ZNF26: variants seen among roughly 807,000 people sequenced by gnomAD.
ZNF26 encodes the protein epididymis luminal protein 179.
A neutral mutation model predicts 54.9 loss-of-function variants in ZNF26; 32 were observed. The observed-to-expected ratio is 0.58, with a 90% CI of 0.44 to 0.78. The LOEUF is 0.78. Ranked by LOEUF, ZNF26 falls within the 30% of genes least tolerant of loss-of-function variation. The probability of loss-of-function intolerance (pLI) is 0.00; values close to 1 mark genes in which losing one functional copy is unlikely to be tolerated. For missense variants in ZNF26, 524 were observed against 634.0 expected, an observed-to-expected ratio of 0.83 and a Z score of 1.86; for synonymous variants, 221 against 209.2, an observed-to-expected ratio of 1.06 and a Z score of -0.49.
intron 1 of ZNF26, among the ~76,000 whole-genome samples, chr12:132,994,551 T>C (rs1953032151): frequency 1.3e-5 from 2 of 152,242 alleles, no homozygotes; most frequent in African/African-American, 4.8e-5. Context: ...GATATTCTTC[T>C]AGGTCTTTCC....
chr12:132,996,264 C>G (rs1953080710), intron 1 of ZNF26, among the ~76,000 whole-genome samples: 1 of 152,202 alleles, frequency 6.6e-6, no homozygotes, highest in Admixed American at 6.5e-5. Flanking sequence ...AAAACCTTCA[C>G]TGGTTTCTCT....
intron 1 of ZNF26, among the ~76,000 whole-genome samples, chr12:132,987,249 C>G (rs1952842662): frequency 6.6e-6 from 1 of 152,096 alleles, no homozygotes; most frequent in South Asian, 2.1e-4. Flanking sequence ...TATGGAGTGT[C>G]CTTTTGTCTG....
In ZNF26 at chr12:133,016,059, T is replaced by C. The variant is rs1207696120; in HGVS notation, c.*4578T>C. ...AGATCTAAGGTTTATTGTGAAAAAGTGTAGGGGTAATTTTTTTTTTTTTTT... is the reference window on the plus strand; with the variant it reads ...AGATCTAAGGTTTATTGTGAAAAAGCGTAGGGGTAATTTTTTTTTTTTTTT... On this transcript the variant is annotated 3_prime_UTR_variant, in exon 4 of 4. Transcript: ENST00000328654. The C allele has an allele frequency of 2.0e-5, 3 of 148,868 alleles. No homozygotes were observed. The highest frequency in any genetic ancestry group is 2.1e-4 in the South Asian group (1 of 4,710). 9.2% of individuals were successfully genotyped at this position (148,868 alleles called of 1,614,324 possible).
In ZNF26 at chr12:133,017,737, T is replaced by C. The variant is rs7969519; in HGVS notation, c.*6256T>C. 0.52 allele frequency: 79,037 copies of C among 151,880 alleles called. 22,137 individuals carry two copies. The highest frequency in any genetic ancestry group is 0.65 in the Middle Eastern group (191 of 296). The allele number at this position is 151,880 out of a possible 1,614,324, so 9.4% of individuals were successfully genotyped here. A position where few individuals can be genotyped will look rare whatever the true frequency, so the allele number is the denominator to read the frequency against. On this transcript the variant is annotated 3_prime_UTR_variant, in exon 4 of 4. Coordinates refer to ENST00000328654, the MANE Select transcript of ZNF26 (RefSeq NM_019591.4). ...CTGATTAATAATTATAGGCCAGGCG[T>C]GGTGGCTCACGCCTGTAATCCCAGC...
In ZNF26 at chr12:133,022,607, CATT is replaced by C. The variant is rs1269969063; in HGVS notation, c.*11130_*11132del. 2.6e-5 allele frequency: 4 copies of C among 152,094 alleles called. No individual in the cohort carries two copies. The highest frequency in any genetic ancestry group is 9.7e-5 in the African/African-American group (4 of 41,414). 9.4% of individuals were successfully genotyped at this position (152,094 alleles called of 1,614,324 possible). A position where few individuals can be genotyped will look rare whatever the true frequency, so the allele number is the denominator to read the frequency against. On this transcript the variant is annotated 3_prime_UTR_variant, in exon 4 of 4. Transcript: ENST00000328654. Reference sequence around the variant, plus strand: ...GGGAAAAGTGTATAAGGGATCTCTGCATTATTTTGTATACTCTAGGTGAAACTA... The same window carrying C: ...GGGAAAAGTGTATAAGGGATCTCTGCATTTTGTATACTCTAGGTGAAACTA...
Position 133,007,115 on chromosome 12 carries a change from A to G in ZNF26, c.107A>G (p.Lys36Arg). 3 of 1,614,050 alleles carry G rather than the reference A, an allele frequency of 1.9e-6. No individual in the cohort carries two copies. Among genetic ancestry groups the G allele is most frequent in the Non-Finnish European group, 2.5e-6 (3 of 1,179,892 alleles). Residue 36 changes from lysine to arginine, a missense_variant, in exon 2 of 4, where the codon AAG becomes AGG. By Grantham distance (26) the Lys-to-Arg change is conservative. Transcript: ENST00000328654. ...TGGCAGCTACTGGATTCTACACAGAAGTACCTGTACAGAGATGTGATATTG... is the reference window on the plus strand; with the variant it reads ...TGGCAGCTACTGGATTCTACACAGAGGTACCTGTACAGAGATGTGATATTG... ...DEWQLLDSTQ[K>R]YLYRDVILEN...
chr12:133,010,893 A>C lies in ZNF26; in HGVS notation c.1014A>C (p.Gly338=), dbSNP rs1285679691. ...YLLVHIRMHT[G]EKPYQCSDCG... ...TTGTTCACATCCGAATGCATACAGG[A>C]GAAAAACCCTATCAATGCAGTGATT... is the stretch of plus-strand genomic sequence containing the variant. The change falls in exon 4 of 4, where the codon GGA becomes GGC. Residue 338 remains glycine (G), a synonymous_variant. Coordinates refer to ENST00000328654, the MANE Select transcript of ZNF26 (RefSeq NM_019591.4). 42 of 1,614,068 alleles carry C rather than the reference A, an allele frequency of 2.6e-5. No individual in the cohort carries two copies. Among genetic ancestry groups the C allele is most frequent in the Non-Finnish European group, 3.3e-5 (39 of 1,180,050 alleles).
At position 133,021,832 on chromosome 12, in the gene ZNF26, T is replaced by G. The variant is rs1048714567; in HGVS notation, c.*10351T>G. On this transcript the variant is annotated 3_prime_UTR_variant, in exon 4 of 4. Coordinates refer to ENST00000328654, the MANE Select transcript of ZNF26 (RefSeq NM_019591.4). ...TAACATGGTAAAAATTTGAGGAATA[T>G]TGGTAAAGAATATTTACAAATTCAT... The G allele has an allele frequency of 8.5e-5, 13 of 152,170 alleles. No homozygotes were observed. The highest frequency in any genetic ancestry group is 2.9e-4 in the African/African-American group (12 of 41,544). The allele number at this position is 152,170 out of a possible 1,614,324, so 9.4% of individuals were successfully genotyped here. A position where few individuals can be genotyped will look rare whatever the true frequency, so the allele number is the denominator to read the frequency against.
At chr12:132,996,780 C>T (rs2137226812) in intron 1 of ZNF26, among the ~76,000 whole-genome samples, 1 of 152,246 alleles carries the variant, frequency 6.6e-6, no homozygotes, top group African/African-American at 2.4e-5. Flanking sequence ...ATCATATAGG[C>T]ATTTTCTTAC....
chr12:132,999,750 A>G (rs1953170505), intron 1 of ZNF26, among the ~76,000 whole-genome samples: 1 of 149,790 alleles, frequency 6.7e-6, no homozygotes, highest in Non-Finnish European at 1.5e-5. Context: ...CTGGAGTGCA[A>G]TTTTGTGATC....
At chr12:132,996,597 C>A (rs12099661) in intron 1 of ZNF26, among the ~76,000 whole-genome samples, 1 of 152,136 alleles carries the variant, frequency 6.6e-6, no homozygotes, top group African/African-American at 2.4e-5. Context: ...ATCAAATGTG[C>A]AAATTAATTT....
chr12:133,010,851 G>T lies in ZNF26; in HGVS notation c.972G>T (p.Arg324Ser). ...HKCSECGKAF[R>S]SKSYLLVHIR... ...GCAGTGAATGTGGGAAAGCCTTTAG[G>T]AGTAAGTCCTATCTCCTTGTTCACA... Residue 324 changes from arginine to serine, a missense_variant, in exon 4 of 4, where the codon AGG (arginine) becomes AGT (serine). By Grantham distance (110) the Arg-to-Ser change is moderately radical. Coordinates refer to ENST00000328654, the MANE Select transcript of ZNF26 (RefSeq NM_019591.4). The T allele has an allele frequency of 6.2e-7, 1 of 1,612,854 alleles. No individual in the cohort carries two copies. The highest frequency in any genetic ancestry group is 1.1e-5 in the South Asian group (1 of 90,984).
intron 3 of ZNF26, among the ~76,000 whole-genome samples, chr12:133,009,205 A>G (rs1019859218): frequency 6.6e-6 from 1 of 152,236 alleles, no homozygotes; most frequent in Non-Finnish European, 1.5e-5. Flanking sequence ...GGACTGCTAC[A>G]ATAGCTTCCT....
chr12:132,999,674 C>G (rs1953168453), intron 1 of ZNF26, among the ~76,000 whole-genome samples: 1 of 151,898 alleles, frequency 6.6e-6, no homozygotes, highest in African/African-American at 2.4e-5. Context: ...GCTTTAACTT[C>G]TAAGTTTTGA....
At chr12:132,991,315 G>A (rs1952948759) in intron 1 of ZNF26, among the ~76,000 whole-genome samples, 1 of 149,768 alleles carries the variant, frequency 6.7e-6, no homozygotes, top group African/African-American at 2.5e-5. Context: ...GATCAACATG[G>A]TGAAACCCTG....
At chr12:132,990,791 C>T (rs1348225052) in intron 1 of ZNF26, among the ~76,000 whole-genome samples, 14 of 152,116 alleles carry the variant, frequency 9.2e-5, no homozygotes, top group Non-Finnish European at 1.3e-4. Context: ...GGGATTTGGT[C>T]TGTTTCATCT....
At chr12:133,009,831 G>A (rs1953430342) in intron 3 of ZNF26, among the ~76,000 whole-genome samples, 1 of 152,104 alleles carries the variant, frequency 6.6e-6, no homozygotes, top group African/African-American at 2.4e-5. Context: ...AGCTTCCCTA[G>A]TAGCTGGGAT....
rs57200465 is a variant in ZNF26 at position 133,008,775 on chromosome 12, CAAAAAAAA to C, written c.256+1256_256+1263del. ...TGGGCAACAGAGCGAGACTCCATCTCAAAAAAAAAAAAAAAAAAAAGAAAAACACCTGA... is the reference window on the plus strand; with the variant it reads ...TGGGCAACAGAGCGAGACTCCATCTCAAAAAAAAAAAAGAAAAACACCTGA... On this transcript the variant is annotated intron_variant, in intron 3 of 3. Coordinates refer to ENST00000328654, the MANE Select transcript of ZNF26 (RefSeq NM_019591.4). Among the ~76,000 whole-genome samples, 3 of 61,468 alleles carry C rather than the reference CAAAAAAAA, an allele frequency of 4.9e-5. No individual in the cohort carries two copies. In the East Asian group the frequency reaches 1.5e-3, roughly 32 times the overall value. 40.3% of individuals were successfully genotyped at this position (61,468 alleles called of 152,430 possible). A position where few individuals can be genotyped will look rare whatever the true frequency, so the allele number is the denominator to read the frequency against.
intron 1 of ZNF26, among the ~76,000 whole-genome samples, chr12:132,996,320 G>C (rs764631637): frequency 7.2e-5 from 11 of 152,282 alleles, no homozygotes; most frequent in Non-Finnish European, 1.6e-4. Context: ...TTCCTTCACT[G>C]TTCTCAAGCT....
Sources: allele counts gnomAD v4.1 joint callset (sites outside exome capture counted in the v4.1 genomes callset), GRCh38; gene constraint gnomAD v4.1.1; transcripts MANE v1.5; gene names NCBI Gene and HGNC (gene_info 2026-07-23, HGNC 2026-07-21).